The following CDH20 variants were observed in gnomAD, a reference collection of about 807,000 sequenced individuals.
CDH20 encodes cadherin 20, also known as cadherin-20.
In CDH20, 29 loss-of-function variants were observed where a neutral mutation model predicts 74.2. That is an observed-to-expected ratio of 0.39 (90% CI 0.29 to 0.53). The LOEUF is 0.53. Among genes scored for constraint, CDH20 ranks in the 20% least tolerant of loss-of-function variants. The pLI is 0.69. For missense variants in CDH20, 988 were observed against 1,048.3 expected (o/e 0.94, Z 0.79); for synonymous variants, 469 against 405.4 (o/e 1.16, Z -1.88).
At chr18:61,526,003 G>T (rs1043155128) in intron 6 of CDH20, among the ~76,000 whole-genome samples, 1 of 134,374 alleles carries the variant, frequency 7.4e-6, no homozygotes, top group Non-Finnish European at 1.6e-5. Context: ...AGCGATGTAG[G>T]TCTCATTAGG....
In CDH20 at chr18:61,503,385, C is replaced by T. The variant is rs775584467; in HGVS notation, c.829+265C>T. Among the ~76,000 whole-genome samples, 8 of 152,112 alleles carry T rather than the reference C, an allele frequency of 5.3e-5. No homozygotes were observed. In the East Asian group the frequency reaches 7.7e-4, roughly 15 times the overall value. The stretch of plus-strand genomic sequence containing the variant: ...TTTAGACTTTCTTTCCTGATTGCCA[C>T]GCCCACCCACCCCACATAAAATGCA... On this transcript the variant is annotated intron_variant, in intron 5 of 11. Transcript: ENST00000262717.
chr18:61,340,520 C>A (rs1356888346), intron 1 of CDH20, among the ~76,000 whole-genome samples: 1 of 151,982 alleles, frequency 6.6e-6, no homozygotes, highest in Non-Finnish European at 1.5e-5. Context: ...TTCCGCTTTC[C>A]CCCAGTAATT....
chr18:61,439,821 A>G (rs973417384), intron 1 of CDH20, among the ~76,000 whole-genome samples: 5 of 152,192 alleles, frequency 3.3e-5, no homozygotes, highest in African/African-American at 1.2e-4. Context: ...TGTGGAGAAC[A>G]TCAAGAAAAA....
At chr18:61,368,508 C>T (rs1456418531) in intron 1 of CDH20, among the ~76,000 whole-genome samples, 1 of 151,596 alleles carries the variant, frequency 6.6e-6, no homozygotes, top group Non-Finnish European at 1.5e-5. Context: ...GATATTTTTA[C>T]AAATCACAAA....
chr18:61,346,864 C>T lies in CDH20; in HGVS notation c.-153+13037C>T, dbSNP rs79532275. Among the ~76,000 whole-genome samples the T allele has an allele frequency of 9.3e-3, 1,412 of 152,122 alleles. 19 individuals are homozygous for T. Among genetic ancestry groups the T allele is most frequent in the African/African-American group, 0.032 (1,309 of 41,492 alleles). The stretch of plus-strand genomic sequence containing the variant: ...AAAAGTCAAATAAGTGAAGTCCAGG[C>T]GCCCAAGCTTGGAAGTTGCTCTTAT... On this transcript the variant is annotated intron_variant, in intron 1 of 11. Transcript: ENST00000262717.
chr18:61,402,171 C>G (rs983642806), intron 1 of CDH20, among the ~76,000 whole-genome samples: 2 of 152,162 alleles, frequency 1.3e-5, no homozygotes, highest in Non-Finnish European at 2.9e-5. Context: ...GGATCTGACC[C>G]CCAGGTTCTG....
Position 61,554,952 on chromosome 18 carries a change from G to A in CDH20, c.*257G>A. 4.5e-6 allele frequency: 6 copies of A among 1,340,058 alleles called. No individual in the cohort carries two copies. Among genetic ancestry groups the A allele is most frequent in the African/African-American group, 1.5e-5 (1 of 68,788 alleles). 83.0% of individuals were successfully genotyped at this position (1,340,058 alleles called of 1,614,324 possible). On this transcript the variant is annotated 3_prime_UTR_variant, in exon 12 of 12. Transcript: ENST00000262717. ...TTTTGATTTTTCTGACACTGTGTGC[G>A]AAGGCTTGGAGTCCAAGGTGTTCTG...
intron 1 of CDH20, among the ~76,000 whole-genome samples, chr18:61,473,670 A>G (rs1032982176): frequency 2.6e-5 from 4 of 152,216 alleles, no homozygotes; most frequent in Non-Finnish European, 5.9e-5. Flanking sequence ...TTGTGGCTTC[A>G]TTACATGGTA....
chr18:61,348,782 T>C lies in CDH20; in HGVS notation c.-153+14955T>C, dbSNP rs546496339. On this transcript the variant is annotated intron_variant, in intron 1 of 11. Transcript: ENST00000262717. Reference sequence around the variant, plus strand: ...AAGAAAAGGAACATTCGGAGGGGAATTGGGAGGGAGCAGTAAGGCAAGATT... The same window carrying C: ...AAGAAAAGGAACATTCGGAGGGGAACTGGGAGGGAGCAGTAAGGCAAGATT... Among the ~76,000 whole-genome samples the C allele has an allele frequency of 2.6e-5, 4 of 152,106 alleles. No individual in the cohort carries two copies. In the East Asian group the frequency reaches 7.7e-4, roughly 29 times the overall value.
intron 1 of CDH20, among the ~76,000 whole-genome samples, chr18:61,400,036 A>G (rs1178777404): frequency 6.6e-6 from 1 of 152,222 alleles, no homozygotes; most frequent in Non-Finnish European, 1.5e-5. Context: ...GTGTCTAAAA[A>G]TATAAGCCTA....
At chr18:61,456,456 G>A (rs535850417) in intron 1 of CDH20, among the ~76,000 whole-genome samples, 2 of 152,172 alleles carry the variant, frequency 1.3e-5, no homozygotes, top group East Asian at 1.9e-4. Flanking sequence ...AATGCTTAAA[G>A]GACTTCTAAT....
At chr18:61,390,317 G>A (rs764977987) in intron 1 of CDH20, among the ~76,000 whole-genome samples, 44 of 152,118 alleles carry the variant, frequency 2.9e-4, no homozygotes, top group South Asian at 4.1e-4. Flanking sequence ...AGAAAGATAG[G>A]TCACAATATA....
chr18:61,507,904 A>C (rs560881940), intron 6 of CDH20, among the ~76,000 whole-genome samples: 1 of 152,208 alleles, frequency 6.6e-6, no homozygotes, highest in South Asian at 2.1e-4. Flanking sequence ...CTTGAATAAC[A>C]TATGCATTGT....
intron 7 of CDH20, among the ~76,000 whole-genome samples, chr18:61,535,859 T>C (rs182213041): frequency 6.6e-5 from 10 of 152,302 alleles, no homozygotes; most frequent in Middle Eastern, 6.8e-3. Context: ...ACCCCACAAA[T>C]TTATAAACTC....
At chr18:61,415,943 A>G (rs548051271) in intron 1 of CDH20, among the ~76,000 whole-genome samples, 1 of 152,144 alleles carries the variant, frequency 6.6e-6, no homozygotes, top group Non-Finnish European at 1.5e-5. Context: ...CATGATTCTT[A>G]TGTCTTATTA....
chr18:61,447,893 C>T (rs1909253698), intron 1 of CDH20, among the ~76,000 whole-genome samples: 1 of 152,154 alleles, frequency 6.6e-6, no homozygotes, highest in Non-Finnish European at 1.5e-5. Context: ...CTTGCTCCTG[C>T]CACTGCAACA....
chr18:61,490,370 A>G, intron 1 of CDH20, 32 bp from the exon 2 acceptor site: 1 of 591,416 alleles, frequency 1.7e-6, no homozygotes, highest in African/African-American at 1.9e-5. Flanking sequence ...AGAATCTGAC[A>G]TCATCACACT....
chr18:61,501,706 G>C (rs1344072626), intron 4 of CDH20, among the ~76,000 whole-genome samples: 1 of 152,118 alleles, frequency 6.6e-6, no homozygotes, highest in Non-Finnish European at 1.5e-5. Context: ...AAATTAGGAG[G>C]AGGAAAGAAA....
chr18:61,462,734 GGCATCTA>G (rs1909827252), intron 1 of CDH20, among the ~76,000 whole-genome samples: 2 of 138,622 alleles, frequency 1.4e-5, no homozygotes, highest in Non-Finnish European at 3.1e-5. Context: ...AGGGGGGGGG[GGCATCTA>G]GGGCATGTCA....
Sources: allele counts gnomAD v4.1 joint callset (sites outside exome capture counted in the v4.1 genomes callset), GRCh38; gene constraint gnomAD v4.1.1; transcripts MANE v1.5; gene names NCBI Gene and HGNC (gene_info 2026-07-23, HGNC 2026-07-21).